BRD10: variants seen among roughly 807,000 people sequenced by gnomAD.
The protein encoded by BRD10 is uncharacterized bromodomain-containing protein 10.
At chr9:5,920,065 G>C in the BRD10 span, 1 of 1,613,914 alleles carries the variant, frequency 6.2e-7, no homozygotes, top group Non-Finnish European at 8.5e-7. Flanking sequence ...TATGTACTGT[G>C]GGTATAGAAC....
chr9:5,896,857 G>T, the BRD10 span, among the ~76,000 whole-genome samples: 1 of 152,206 alleles, frequency 6.6e-6, no homozygotes, highest in Non-Finnish European at 1.5e-5. Context: ...TTCTCAATAA[G>T]TAATGCCACA....
chr9:5,898,802 C>T, the BRD10 span: 1 of 152,226 alleles, frequency 6.6e-6, no homozygotes, highest in Non-Finnish European at 1.5e-5. Context: ...TGACTCTACA[C>T]TAAGCATCCC....
At chr9:5,918,686 A>T in the BRD10 span, among the ~76,000 whole-genome samples, 1 of 150,864 alleles carries the variant, frequency 6.6e-6, no homozygotes, top group Non-Finnish European at 1.5e-5. Context: ...TGGCAAAAAA[A>T]CCACAATTAC....
the BRD10 span, among the ~76,000 whole-genome samples, chr9:5,952,446 ATATG>A: frequency 6.6e-6 from 1 of 152,212 alleles, no homozygotes; most frequent in Non-Finnish European, 1.5e-5. Context: ...ACGAAACAAT[ATATG>A]TGAGTGTACA....
At chr9:5,983,096 A>T in the BRD10 span, among the ~76,000 whole-genome samples, 1 of 152,184 alleles carries the variant, frequency 6.6e-6, no homozygotes. Context: ...AACTCCACAA[A>T]GTTAAATCTG....
At chr9:5,994,715 C>T in the BRD10 span, among the ~76,000 whole-genome samples, 1 of 152,150 alleles carries the variant, frequency 6.6e-6, no homozygotes, top group Non-Finnish European at 1.5e-5. Flanking sequence ...TCTCTTAAAT[C>T]TCAGCCAAAG....
the BRD10 span, among the ~76,000 whole-genome samples, chr9:5,971,425 C>G: frequency 6.6e-6 from 1 of 152,214 alleles, no homozygotes; most frequent in African/African-American, 2.4e-5. Flanking sequence ...TATAAATGTT[C>G]TTAGCAGTAT....
At chr9:5,923,026 T>C in the BRD10 span, 4 of 1,614,016 alleles carry the variant, frequency 2.5e-6, no homozygotes, top group Non-Finnish European at 3.4e-6. Flanking sequence ...CTGAATCCAA[T>C]GAGGCAAATG....
At chr9:5,971,885 A>T in the BRD10 span, among the ~76,000 whole-genome samples, 1 of 151,968 alleles carries the variant, frequency 6.6e-6, no homozygotes, top group Non-Finnish European at 1.5e-5. Context: ...CTGCAAGAAA[A>T]TTTTTTTGTC....
At chr9:5,886,744 G>C in the BRD10 span, among the ~76,000 whole-genome samples, 21 of 152,214 alleles carry the variant, frequency 1.4e-4, no homozygotes, top group Non-Finnish European at 3.1e-4. Flanking sequence ...CAGAGACTAA[G>C]AGCCTAGTTA....
At chr9:5,881,937 T>C in the BRD10 span, among the ~76,000 whole-genome samples, 2 of 152,176 alleles carry the variant, frequency 1.3e-5, no homozygotes, top group Non-Finnish European at 2.9e-5. Flanking sequence ...ATCCCCACTC[T>C]CACAGAGCCC....
At chr9:5,946,985 A>C in the BRD10 span, among the ~76,000 whole-genome samples, 2 of 152,066 alleles carry the variant, frequency 1.3e-5, no homozygotes, top group Admixed American at 6.6e-5. Flanking sequence ...AACAATGAAG[A>C]CATATACCTC....
chr9:5,970,289 G>A, the BRD10 span, among the ~76,000 whole-genome samples: 1 of 152,096 alleles, frequency 6.6e-6, no homozygotes, highest in African/African-American at 2.4e-5. Context: ...TTAATATCAT[G>A]CATAAATACA....
At chr9:5,968,268 T>C in the BRD10 span, 1 of 1,612,584 alleles carries the variant, frequency 6.2e-7, no homozygotes, top group South Asian at 1.1e-5. Context: ...TTGTGGCAGT[T>C]AATTTCTGGA....
chr9:5,970,618 A>G, the BRD10 span, among the ~76,000 whole-genome samples: 1 of 152,230 alleles, frequency 6.6e-6, no homozygotes, highest in East Asian at 1.9e-4. Flanking sequence ...TCTGCTTTTA[A>G]AAGACATCAT....
At chr9:5,967,434 A>T in the BRD10 span, among the ~76,000 whole-genome samples, 1 of 152,242 alleles carries the variant, frequency 6.6e-6, no homozygotes, top group African/African-American at 2.4e-5. Flanking sequence ...GGTGAAAGAC[A>T]AATTTACAAA....
the BRD10 span, among the ~76,000 whole-genome samples, chr9:5,900,882 T>C: frequency 6.6e-6 from 1 of 151,316 alleles, no homozygotes; most frequent in Non-Finnish European, 1.5e-5. Flanking sequence ...GAGAATTTCA[T>C]GGCCCTTGCT....
chr9:5,897,687 A>C, the BRD10 span: 9 of 1,546,232 alleles, frequency 5.8e-6, no homozygotes, highest in South Asian at 8.9e-5. Flanking sequence ...AATCCCTCCA[A>C]GTCCAGGGCC....
At chr9:5,908,641 T>C in the BRD10 span, 1 of 1,613,880 alleles carries the variant, frequency 6.2e-7, no homozygotes, top group South Asian at 1.1e-5. Context: ...TTCTCACAGG[T>C]TCCCAATGCT....
Sources: allele counts gnomAD v4.1 joint callset (sites outside exome capture counted in the v4.1 genomes callset), GRCh38; gene constraint gnomAD v4.1.1; transcripts MANE v1.5; gene names NCBI Gene and HGNC (gene_info 2026-07-23, HGNC 2026-07-21).